LINGO2: variants seen among roughly 807,000 people sequenced by gnomAD.
The protein encoded by LINGO2 is leucine rich repeat and Ig domain containing 2, also known as leucine-rich repeat and immunoglobulin-like domain-containing nogo receptor-interacting protein 2.
Under a neutral mutation model 30.6 loss-of-function variants are expected in LINGO2, and 14 were observed. The ratio of observed to expected loss-of-function variants is 0.46; its 90% CI spans 0.30 to 0.72. The LOEUF (loss-of-function observed/expected upper bound fraction) is 0.72, where lower values mean the gene tolerates loss of function less well. Ranked by LOEUF, LINGO2 falls within the 30% of genes least tolerant of loss-of-function variation. The probability of loss-of-function intolerance (pLI) is 0.07; values close to 1 mark genes in which losing one functional copy is unlikely to be tolerated. For synonymous variants in LINGO2, 317 were observed against 288.5 expected, an observed-to-expected ratio of 1.10 and a Z score of -1.00; for missense variants, 729 against 751.7, an observed-to-expected ratio of 0.97 and a Z score of 0.35.
intron 2 of LINGO2, among the ~76,000 whole-genome samples, chr9:28,383,260 G>T (rs939548522): frequency 1.0e-5 from 1 of 97,834 alleles, no homozygotes; most frequent in Non-Finnish European, 2.3e-5. Context: ...TTCATTGTGT[G>T]TGTGTGTGTG....
At chr9:28,448,733 A>C (rs963784227) in intron 2 of LINGO2, among the ~76,000 whole-genome samples, 1 of 152,086 alleles carries the variant, frequency 6.6e-6, no homozygotes, top group Non-Finnish European at 1.5e-5. Flanking sequence ...TCTAGGTGGA[A>C]GGAGCATTTA....
At chr9:28,664,469 G>A (rs1276362429) in intron 1 of LINGO2, among the ~76,000 whole-genome samples, 1 of 151,998 alleles carries the variant, frequency 6.6e-6, no homozygotes, top group East Asian at 1.9e-4. Flanking sequence ...ATGCCTTCAA[G>A]GGAAAAATAG....
chr9:28,539,622 G>T (rs924624793), intron 1 of LINGO2, among the ~76,000 whole-genome samples: 48 of 152,144 alleles, frequency 3.2e-4, no homozygotes, highest in African/African-American at 1.1e-3. Flanking sequence ...TAAATTACAG[G>T]TACTGTGACT....
At chr9:28,840,048 C>A in the LINGO2 span, among the ~76,000 whole-genome samples, 1 of 149,480 alleles carries the variant, frequency 6.7e-6, no homozygotes, top group Non-Finnish European at 1.5e-5. Flanking sequence ...GGCTCAGCCA[C>A]AACCCTGCTC....
chr9:28,559,148 TCAGA>T (rs1822907352), intron 1 of LINGO2, among the ~76,000 whole-genome samples: 1 of 152,116 alleles, frequency 6.6e-6, no homozygotes, highest in Admixed American at 6.6e-5. Flanking sequence ...AAGTAAATAT[TCAGA>T]CACTGTCAGC....
rs1040332533 is a variant in LINGO2, at chr9:28,129,467, G to A, written c.-86-117062C>T. On this transcript the variant is annotated intron_variant, in intron 4 of 5. Transcript: ENST00000379992. This position sits in a 1 kb window ranked among gnomAD's most constrained non-coding sequence, Gnocchi z 4.0. ...AGATTCCTAAGTATAACTCTTGGCC[G>A]GCCTGGATGTCTCATCACAGAAACA... Among the ~76,000 whole-genome samples, 6 of 151,974 alleles carry A rather than the reference G, an allele frequency of 3.9e-5. No individual in the cohort carries two copies. The highest frequency in any genetic ancestry group is 5.9e-5 in the Non-Finnish European group (4 of 68,020).
chr9:28,537,695 A>G (rs1821495992), intron 1 of LINGO2, among the ~76,000 whole-genome samples: 1 of 152,078 alleles, frequency 6.6e-6, no homozygotes, highest in African/African-American at 2.4e-5. Context: ...AATAGAAGTG[A>G]ATACATAAAA....
chr9:28,076,288 G>A (rs1160850977), intron 4 of LINGO2, among the ~76,000 whole-genome samples: 4 of 151,872 alleles, frequency 2.6e-5, no homozygotes, highest in African/African-American at 7.3e-5. Flanking sequence ...TACTGGTTTG[G>A]TATTTAAATA....
At chr9:28,298,394 A>T (rs1251645078) in intron 3 of LINGO2, among the ~76,000 whole-genome samples, 1 of 151,674 alleles carries the variant, frequency 6.6e-6, no homozygotes, top group East Asian at 1.9e-4. Context: ...GGCTGGGCGC[A>T]GTGGCTCACA....
intron 1 of LINGO2, among the ~76,000 whole-genome samples, chr9:28,623,844 A>AT (rs1347685147): frequency 1.3e-5 from 2 of 152,032 alleles, no homozygotes; most frequent in Non-Finnish European, 2.9e-5. Flanking sequence ...AAATCATTCC[A>AT]TTTTTTGTAT....
chr9:28,553,006 G>T (rs1157861332), intron 1 of LINGO2, among the ~76,000 whole-genome samples: 4 of 151,740 alleles, frequency 2.6e-5, no homozygotes, highest in African/African-American at 7.3e-5. Context: ...CCGAGTTATT[G>T]TTTGTTTGTT....
the LINGO2 span, among the ~76,000 whole-genome samples, chr9:28,931,556 C>G: frequency 2.6e-5 from 4 of 152,270 alleles, no homozygotes; most frequent in East Asian, 7.7e-4. Flanking sequence ...CACATTTGTC[C>G]TTAACTACAA....
rs546101626 is a variant in LINGO2, at chr9:28,337,405, C to T, written c.-246+35431G>A. On this transcript the variant is annotated intron_variant, in intron 3 of 5. Transcript: ENST00000379992. ...ATGAAAGTTTGGAAAATCTGCAGCCCGAAGATGTGATAGAAAATAAAATTC... is the reference window on the plus strand; with the variant it reads ...ATGAAAGTTTGGAAAATCTGCAGCCTGAAGATGTGATAGAAAATAAAATTC... Among the ~76,000 whole-genome samples the T allele has an allele frequency of 3.9e-5, 6 of 151,936 alleles. No homozygotes were observed. In the South Asian group the frequency reaches 6.2e-4, roughly 16 times the overall value.
intron 3 of LINGO2, among the ~76,000 whole-genome samples, chr9:28,334,023 G>C (rs941794126): frequency 4.6e-5 from 7 of 152,160 alleles, no homozygotes; most frequent in African/African-American, 1.7e-4. Context: ...TTATATTTCA[G>C]ATTTGAAAAT....
At chr9:28,076,338 A>T (rs1825621982) in intron 4 of LINGO2, among the ~76,000 whole-genome samples, 1 of 152,082 alleles carries the variant, frequency 6.6e-6, no homozygotes, top group South Asian at 2.1e-4. Flanking sequence ...TTGAAGCATG[A>T]ACATGCATAC....
chr9:28,257,225 T>C (rs1822411388), intron 4 of LINGO2, among the ~76,000 whole-genome samples: 1 of 151,922 alleles, frequency 6.6e-6, no homozygotes, highest in Admixed American at 6.6e-5. Context: ...CCAAATAGCA[T>C]AAAGCGTCTC....
the LINGO2 span, among the ~76,000 whole-genome samples, chr9:29,120,293 A>G: frequency 6.6e-6 from 1 of 152,184 alleles, no homozygotes; most frequent in Non-Finnish European, 1.5e-5. Context: ...ACAGAAATAC[A>G]ACACACATAT....
At chr9:29,027,658 G>T in the LINGO2 span, among the ~76,000 whole-genome samples, 1 of 152,092 alleles carries the variant, frequency 6.6e-6, no homozygotes, top group East Asian at 1.9e-4. Flanking sequence ...TTATATATTT[G>T]TTTTTCTTAA....
At chr9:28,560,210 A>T (rs959185837) in intron 1 of LINGO2, among the ~76,000 whole-genome samples, 70 of 152,104 alleles carry the variant, frequency 4.6e-4, no homozygotes, top group Middle Eastern at 3.2e-3. Flanking sequence ...CATTGCCCAG[A>T]TAATCTGGCT....
Sources: allele counts gnomAD v4.1 joint callset (sites outside exome capture counted in the v4.1 genomes callset), GRCh38; gene constraint gnomAD v4.1.1; non-coding constraint Gnocchi (gnomAD v3.1); transcripts MANE v1.5; gene names NCBI Gene and HGNC (gene_info 2026-07-23, HGNC 2026-07-21).